The following EEIG1 variants were observed in gnomAD, a reference collection of about 807,000 sequenced individuals.
EEIG1 encodes estrogen-induced osteoclastogenesis regulator 1.
chr9:127,953,460 A>G, the EEIG1 span: 1 of 835,214 alleles, frequency 1.2e-6, no homozygotes, highest in Non-Finnish European at 2.0e-6. Context: ...AACACATCTC[A>G]GGTAGGGCTG....
the EEIG1 span, chr9:127,947,945 G>A: frequency 9.2e-7 from 1 of 1,090,406 alleles, no homozygotes; most frequent in Non-Finnish European, 1.3e-6. Context: ...CCCAGCAGGA[G>A]CATGCAAACA....
At chr9:127,965,522 G>C in the EEIG1 span, among the ~76,000 whole-genome samples, 1 of 152,150 alleles carries the variant, frequency 6.6e-6, no homozygotes, top group Non-Finnish European at 1.5e-5. Flanking sequence ...CCCCAGAACA[G>C]GGCCCCATCA....
At chr9:127,970,676 G>A in the EEIG1 span, among the ~76,000 whole-genome samples, 1 of 152,108 alleles carries the variant, frequency 6.6e-6, no homozygotes, top group Non-Finnish European at 1.5e-5. Context: ...ATGTGACTCG[G>A]ATTCACAGCT....
the EEIG1 span, chr9:127,950,454 T>C: frequency 1.2e-6 from 2 of 1,614,022 alleles, no homozygotes; most frequent in Admixed American, 1.7e-5. Flanking sequence ...GCGAGTGTTC[T>C]TCGTGTCATA....
At chr9:127,964,187 A>C in the EEIG1 span, among the ~76,000 whole-genome samples, 78 of 152,334 alleles carry the variant, frequency 5.1e-4, no homozygotes, top group African/African-American at 1.4e-3. Context: ...CATCTGTAAA[A>C]GGACGACTTA....
the EEIG1 span, among the ~76,000 whole-genome samples, chr9:127,957,229 AAAAC>A: frequency 6.7e-6 from 1 of 150,044 alleles, no homozygotes; most frequent in Non-Finnish European, 1.5e-5. Flanking sequence ...ACCTTGTCTC[AAAAC>A]AAACAAAGAA....
At chr9:127,980,626 C>T in the EEIG1 span, 2 of 150,328 alleles carry the variant, frequency 1.3e-5, no homozygotes, top group East Asian at 1.9e-4. Flanking sequence ...GTGCCCTCGC[C>T]GCTCACGCCC....
chr9:127,979,038 G>C, the EEIG1 span, among the ~76,000 whole-genome samples: 1 of 151,936 alleles, frequency 6.6e-6, no homozygotes, highest in Non-Finnish European at 1.5e-5. Context: ...AAAAAAAATA[G>C]AGACAGGAAT....
At chr9:127,957,153 C>T in the EEIG1 span, among the ~76,000 whole-genome samples, 1 of 152,086 alleles carries the variant, frequency 6.6e-6, no homozygotes, top group Non-Finnish European at 1.5e-5. Flanking sequence ...CTCTTCAACC[C>T]AGGAGGCAGA....
chr9:127,943,360 G>T, the EEIG1 span: 6 of 924,670 alleles, frequency 6.5e-6, no homozygotes, highest in South Asian at 1.4e-5. Flanking sequence ...TGTTGCAAAG[G>T]GGCTAAAACC....
chr9:127,979,946 C>G, the EEIG1 span: 1 of 1,584,362 alleles, frequency 6.3e-7, no homozygotes, highest in Admixed American at 1.8e-5. Context: ...GTCTAGGTCT[C>G]GCTCATCACC....
chr9:127,973,062 G>A, the EEIG1 span, among the ~76,000 whole-genome samples: 1 of 152,114 alleles, frequency 6.6e-6, no homozygotes, highest in Non-Finnish European at 1.5e-5. The surrounding 1 kb of genome is among the most constrained non-coding windows in gnomAD (Gnocchi z 4.2). Flanking sequence ...CTCTTTCTAA[G>A]CAAATCTGGT....
At chr9:127,953,380 A>G in the EEIG1 span, 11 of 602,744 alleles carry the variant, frequency 1.8e-5, no homozygotes, top group Admixed American at 3.0e-4. Flanking sequence ...TGTACCATTT[A>G]TATTGCAACA....
chr9:127,954,453 T>C, the EEIG1 span, among the ~76,000 whole-genome samples: 1 of 152,290 alleles, frequency 6.6e-6, no homozygotes, highest in Non-Finnish European at 1.5e-5. Flanking sequence ...ACTCCAGAGC[T>C]GCCTTCTTCA....
At chr9:127,963,150 G>A in the EEIG1 span, among the ~76,000 whole-genome samples, 3 of 152,224 alleles carry the variant, frequency 2.0e-5, no homozygotes, top group East Asian at 1.9e-4. Context: ...CTCTTTCTTC[G>A]TTTCTGTCCA....
the EEIG1 span, chr9:127,980,095 T>C: frequency 2.5e-6 from 4 of 1,613,536 alleles, no homozygotes; most frequent in Admixed American, 6.7e-5. Flanking sequence ...AGGGTGAAAG[T>C]AGTTTGGAAT....
At chr9:127,959,073 C>A in the EEIG1 span, among the ~76,000 whole-genome samples, 16 of 152,330 alleles carry the variant, frequency 1.1e-4, no homozygotes, top group East Asian at 1.9e-4. Flanking sequence ...AATGGTGCAG[C>A]CCCTTTGGAA....
At chr9:127,951,111 G>C in the EEIG1 span, among the ~76,000 whole-genome samples, 1 of 152,196 alleles carries the variant, frequency 6.6e-6, no homozygotes, top group African/African-American at 2.4e-5. Context: ...GGATGGGGAG[G>C]GAAGTGGGAG....
the EEIG1 span, among the ~76,000 whole-genome samples, chr9:127,973,101 G>A: frequency 6.6e-6 from 1 of 152,122 alleles, no homozygotes; most frequent in Non-Finnish European, 1.5e-5. This position sits in a 1 kb window ranked among gnomAD's most constrained non-coding sequence, Gnocchi z 4.2. Flanking sequence ...CCTTCCTGGG[G>A]CTCCCTGGTA....
Sources: allele counts gnomAD v4.1 joint callset (sites outside exome capture counted in the v4.1 genomes callset), GRCh38; gene constraint gnomAD v4.1.1; non-coding constraint Gnocchi (gnomAD v3.1); transcripts MANE v1.5; gene names NCBI Gene and HGNC (gene_info 2026-07-23, HGNC 2026-07-21).